Variants in ERCC6L2 observed in about 807,000 individuals in gnomAD.
ERCC6L2 encodes ERCC excision repair 6 like 2.
A neutral mutation model predicts 132.0 loss-of-function variants in ERCC6L2; 77 were observed. The observed-to-expected ratio is 0.58, with a 90% CI of 0.49 to 0.71. The LOEUF (loss-of-function observed/expected upper bound fraction) is 0.71, where lower values mean the gene tolerates loss of function less well. Among genes scored for constraint, ERCC6L2 ranks in the 30% least tolerant of loss-of-function variants. ERCC6L2 has a pLI of 0.00. For missense variants in ERCC6L2, 1,542 were observed against 1,837.6 expected (o/e 0.84, Z 2.94); for synonymous variants, 583 against 632.4 (o/e 0.92, Z 1.17).
chr9:96,040,284 A>T (rs1834564349), intron 20 of ERCC6L2, among the ~76,000 whole-genome samples: 1 of 152,000 alleles, frequency 6.6e-6, no homozygotes, highest in Non-Finnish European at 1.5e-5. Context: ...CTCCCTGGGC[A>T]CGACTCTCCC....
chr9:96,036,160 T>G (rs1834517038), intron 19 of ERCC6L2, among the ~76,000 whole-genome samples: 1 of 152,160 alleles, frequency 6.6e-6, no homozygotes, highest in Non-Finnish European at 1.5e-5. Context: ...ACGCTTTCCT[T>G]TGGCAAAACC....
chr9:96,032,199 C>G (rs1834468600), intron 19 of ERCC6L2, among the ~76,000 whole-genome samples: 1 of 152,194 alleles, frequency 6.6e-6, no homozygotes, highest in Non-Finnish European at 1.5e-5. Context: ...CCCCACACAC[C>G]TCCCTTCATC....
chr9:95,940,366 G>A (rs1198037253), intron 11 of ERCC6L2, among the ~76,000 whole-genome samples: 1 of 152,082 alleles, frequency 6.6e-6, no homozygotes, highest in Non-Finnish European at 1.5e-5. Context: ...TTTATAGTCT[G>A]TGACTTTCGG....
rs1028311365 is a variant in ERCC6L2 at position 95,934,015 on chromosome 9, G to C, written c.1751+5151G>C. On this transcript the variant is annotated intron_variant, in intron 11 of 18. Transcript: ENST00000653738. ...TCATTTTTCTTCCCCTGGATGATTA[G>C]CATCCAGTGTAAAGCATTATCTAAG... Among the ~76,000 whole-genome samples the C allele has an allele frequency of 1.3e-5, 2 of 152,068 alleles. 1 individual carries two copies. Among genetic ancestry groups the C allele is most frequent in the Admixed American group, 1.3e-4 (2 of 15,266 alleles).
At chr9:96,002,920 C>G (rs1427856283) in intron 17 of ERCC6L2, among the ~76,000 whole-genome samples, 1 of 152,130 alleles carries the variant, frequency 6.6e-6, no homozygotes, top group Non-Finnish European at 1.5e-5. Context: ...TCCATTTTCT[C>G]TATTCTGTCC....
intron 1 of ERCC6L2, among the ~76,000 whole-genome samples, chr9:95,878,953 C>A (rs62559052): frequency 6.6e-6 from 1 of 152,030 alleles, no homozygotes; most frequent in Non-Finnish European, 1.5e-5. Context: ...TGAATAGTGC[C>A]GCAATAAACA....
chr9:95,925,037 C>CT (rs964211640), intron 9 of ERCC6L2, among the ~76,000 whole-genome samples: 34 of 152,244 alleles, frequency 2.2e-4, no homozygotes, highest in African/African-American at 7.9e-4. Flanking sequence ...TTTAAGAACT[C>CT]TAAGAATTGA....
chr9:95,917,099 T>G (rs1211429789), intron 6 of ERCC6L2, among the ~76,000 whole-genome samples: 2 of 152,198 alleles, frequency 1.3e-5, no homozygotes, highest in Non-Finnish European at 2.9e-5. Flanking sequence ...CACCACACAG[T>G]GTATTCTTTG....
intron 4 of ERCC6L2, among the ~76,000 whole-genome samples, chr9:95,910,759 C>T (rs12553442): frequency 0.59 from 89,971 of 152,020 alleles, 26,863 homozygotes; most frequent in East Asian, 0.79. Context: ...ATCAAACTTA[C>T]AAGCTAATAA....
At chr9:96,034,568 A>G (rs1355427735) in intron 19 of ERCC6L2, among the ~76,000 whole-genome samples, 1 of 152,214 alleles carries the variant, frequency 6.6e-6, no homozygotes, top group African/African-American at 2.4e-5. Flanking sequence ...AAGCAAGAGC[A>G]TTATGAGCAA....
At chr9:95,957,872 T>C (rs1831688688) in intron 13 of ERCC6L2, among the ~76,000 whole-genome samples, 1 of 148,392 alleles carries the variant, frequency 6.7e-6, no homozygotes, top group African/African-American at 2.5e-5. Context: ...AAAATTATGT[T>C]TTTGTTTTTT....
chr9:95,880,912 T>C lies in ERCC6L2; in HGVS notation c.90T>C (p.Asp30=), dbSNP rs749036852. ...PGERCLAPSP[D]NGKLCEASIK... ...AAAGATGTCTTGCCCCTTCTCCAGATAATGGAAAACTTTGTGAAGCAAGCA... is the reference window on the plus strand; with the variant it reads ...AAAGATGTCTTGCCCCTTCTCCAGACAATGGAAAACTTTGTGAAGCAAGCA... The change falls in exon 2 of 19, where the codon GAT becomes GAC. Residue 30 remains aspartate, a synonymous_variant. Coordinates refer to ENST00000653738, the MANE Select transcript of ERCC6L2 (RefSeq NM_020207.7). 1 of 1,613,282 alleles carries C rather than the reference T, an allele frequency of 6.2e-7. No individual in the cohort carries two copies.
At chr9:95,877,949 A>G (rs141178040) in intron 1 of ERCC6L2, among the ~76,000 whole-genome samples, 136 of 152,356 alleles carry the variant, frequency 8.9e-4, no homozygotes, top group African/African-American at 2.4e-3. Context: ...ACTGGAAGGA[A>G]AAGACAAAAA....
At chr9:95,884,895 TTTTG>T (rs1393915738) in intron 2 of ERCC6L2, among the ~76,000 whole-genome samples, 1 of 152,224 alleles carries the variant, frequency 6.6e-6, no homozygotes, top group African/African-American at 2.4e-5. Context: ...GGGGTTTCTT[TTTTG>T]TTTGTTTTGT....
At position 96,012,527 on chromosome 9, in the gene ERCC6L2, T is replaced by G; in HGVS notation, c.3977T>G (p.Val1326Gly). 2 of 1,367,490 alleles carry G rather than the reference T, an allele frequency of 1.5e-6. No individual in the cohort carries two copies. The highest frequency in any genetic ancestry group is 2.0e-6 in the Non-Finnish European group (2 of 1,021,790). The allele number at this position is 1,367,490 out of a possible 1,614,324, so 84.7% of individuals were successfully genotyped here. Residue 1326 changes from valine to glycine, a missense_variant, in exon 19 of 19, where the codon GTT becomes GGT. By Grantham distance (109) the Val-to-Gly change is moderately radical. Coordinates refer to ENST00000653738, the MANE Select transcript of ERCC6L2 (RefSeq NM_020207.7). ...GATTCTACCAACAAAATTTCTCAAG[T>G]TTGCAGCCTAAAAACATATAAAAGA... is the stretch of plus-strand genomic sequence containing the variant. Reference protein sequence around the residue: ...FKDSTNKISQVCSLKTYKRKS... With the variant: ...FKDSTNKISQGCSLKTYKRKS...
At chr9:95,922,536 T>A in intron 8 of ERCC6L2, 118 bp downstream of exon 8, 2 of 651,996 alleles carry the variant, frequency 3.1e-6, no homozygotes, top group East Asian at 5.9e-5. Context: ...ACTGATTTGC[T>A]TATTTTTAAA....
At chr9:95,907,330 T>G in intron 4 of ERCC6L2, 59 bp downstream of exon 4, 1 of 1,086,916 alleles carries the variant, frequency 9.2e-7, no homozygotes, top group Non-Finnish European at 1.2e-6. Flanking sequence ...CATCCCTTTA[T>G]ATTAAGAGTT....
intron 20 of ERCC6L2, among the ~76,000 whole-genome samples, chr9:96,040,727 C>T (rs930184589): frequency 6.6e-6 from 1 of 152,216 alleles, no homozygotes; most frequent in African/African-American, 2.4e-5. Flanking sequence ...ACGGCATCTG[C>T]AGAGACACTA....
At chr9:95,997,929 C>T (rs1833526300) in intron 17 of ERCC6L2, among the ~76,000 whole-genome samples, 2 of 152,138 alleles carry the variant, frequency 1.3e-5, no homozygotes, top group Admixed American at 1.3e-4. Flanking sequence ...TATCTTGTAC[C>T]ATTTATTGTG....
Sources: allele counts gnomAD v4.1 joint callset (sites outside exome capture counted in the v4.1 genomes callset), GRCh38; gene constraint gnomAD v4.1.1; transcripts MANE v1.5; gene names NCBI Gene and HGNC (gene_info 2026-07-23, HGNC 2026-07-21).